Variants in CPNE4 observed in about 807,000 individuals in gnomAD.
CPNE4 encodes copine 4.
In CPNE4, 25 loss-of-function variants were observed where a neutral mutation model predicts 67.9. That is an observed-to-expected ratio of 0.37 (90% CI 0.27 to 0.51). The LOEUF is 0.51. Ranked by LOEUF, CPNE4 falls within the 20% of genes least tolerant of loss-of-function variation. The probability of loss-of-function intolerance (pLI) is 0.93; values close to 1 mark genes in which losing one functional copy is unlikely to be tolerated. For missense variants in CPNE4, 464 were observed against 690.8 expected, an observed-to-expected ratio of 0.67 and a Z score of 3.68; for synonymous variants, 242 against 244.9, an observed-to-expected ratio of 0.99 and a Z score of 0.11.
intron 1 of CPNE4, among the ~76,000 whole-genome samples, chr3:131,912,430 C>A (rs1197253379): frequency 6.6e-6 from 1 of 151,854 alleles, no homozygotes; most frequent in East Asian, 1.9e-4. Flanking sequence ...TGGCATTATT[C>A]AGCCTTTTAA....
intron 2 of CPNE4, among the ~76,000 whole-genome samples, chr3:131,889,621 A>G (rs956821439): frequency 6.6e-6 from 1 of 152,262 alleles, no homozygotes; most frequent in African/African-American, 2.4e-5. Context: ...TAATGAAACC[A>G]TATTTCCCCC....
In CPNE4 at chr3:131,873,925, C is replaced by A. The variant is rs184787574; in HGVS notation, c.180+31339G>T. On this transcript the variant is annotated intron_variant, in intron 2 of 15. Coordinates refer to ENST00000429747, the MANE Select transcript of CPNE4 (RefSeq NM_130808.3). ...GGAAGAGGAGTGGAAAACTAGATAACCTTCCCCTCCACCTCCAAATAATTT... is the reference window on the plus strand; with the variant it reads ...GGAAGAGGAGTGGAAAACTAGATAAACTTCCCCTCCACCTCCAAATAATTT... Among the ~76,000 whole-genome samples the A allele has an allele frequency of 4.7e-3, 714 of 152,274 alleles. 7 individuals are homozygous for A. Among genetic ancestry groups the A allele is most frequent in the African/African-American group, 0.015 (627 of 41,542 alleles).
intron 7 of CPNE4, among the ~76,000 whole-genome samples, chr3:131,645,380 AC>A (rs2079640858): frequency 6.6e-6 from 1 of 152,196 alleles, no homozygotes; most frequent in South Asian, 2.1e-4. Context: ...CTGATGTCTC[AC>A]CAACAAAACA....
chr3:131,914,183 T>C (rs1390912315), intron 1 of CPNE4, among the ~76,000 whole-genome samples: 1 of 152,194 alleles, frequency 6.6e-6, no homozygotes, highest in African/African-American at 2.4e-5. Context: ...CAACTGCACA[T>C]AGCTGTCCAG....
At chr3:131,608,240 A>C (rs1241644914) in intron 7 of CPNE4, among the ~76,000 whole-genome samples, 1 of 152,204 alleles carries the variant, frequency 6.6e-6, no homozygotes, top group Non-Finnish European at 1.5e-5. Context: ...TTTCCTTAAA[A>C]ACTTGGAACA....
In CPNE4 at chr3:131,777,065, G is replaced by A. The variant is rs1583180534; in HGVS notation, c.181-53440C>T. Among the ~76,000 whole-genome samples, 3 of 152,236 alleles carry A rather than the reference G, an allele frequency of 2.0e-5. No individual in the cohort carries two copies. The South Asian group carries it at 6.2e-4, about 32-fold the overall frequency. On this transcript the variant is annotated intron_variant, in intron 2 of 15. Coordinates refer to ENST00000429747, the MANE Select transcript of CPNE4 (RefSeq NM_130808.3). ...TGGTCCTCTTGCTCTCAAAGGTACA[G>A]CCATTGGACTATAACCCACACACAG...
intron 2 of CPNE4, among the ~76,000 whole-genome samples, chr3:131,775,359 G>T (rs1325843300): frequency 6.6e-6 from 1 of 152,054 alleles, no homozygotes; most frequent in Non-Finnish European, 1.5e-5. Context: ...ATCTTTGGTG[G>T]GGTAGAATTT....
chr3:131,751,524 G>C (rs185985506), intron 2 of CPNE4, among the ~76,000 whole-genome samples: 418 of 131,252 alleles, frequency 3.2e-3, no homozygotes, highest in Non-Finnish European at 5.2e-3. Flanking sequence ...TCTTTGCTGA[G>C]GTTTTCATTT....
At chr3:131,796,166 T>G (rs1371599772) in intron 2 of CPNE4, among the ~76,000 whole-genome samples, 1 of 151,910 alleles carries the variant, frequency 6.6e-6, no homozygotes, top group Non-Finnish European at 1.5e-5. Context: ...TTTTTTTTTG[T>G]AAAAGGAGCT....
chr3:131,699,246 T>C (rs1431966996), intron 4 of CPNE4, among the ~76,000 whole-genome samples: 1 of 152,138 alleles, frequency 6.6e-6, no homozygotes, highest in African/African-American at 2.4e-5. Flanking sequence ...ATAGAAATGT[T>C]TTATAATCTA....
At chr3:131,904,807 A>AC (rs1478239980) in intron 2 of CPNE4, among the ~76,000 whole-genome samples, 1 of 151,920 alleles carries the variant, frequency 6.6e-6, no homozygotes, top group African/African-American at 2.4e-5. Flanking sequence ...TTCTCTCTCA[A>AC]CCCCCTAAAA....
At chr3:131,806,411 A>G (rs2084311600) in intron 2 of CPNE4, among the ~76,000 whole-genome samples, 1 of 151,876 alleles carries the variant, frequency 6.6e-6, no homozygotes, top group African/African-American at 2.4e-5. Flanking sequence ...TTAGCCGGGC[A>G]TAGTGGCGGG....
At chr3:131,933,207 A>G (rs1292865789) in intron 1 of CPNE4, among the ~76,000 whole-genome samples, 2 of 152,164 alleles carry the variant, frequency 1.3e-5, no homozygotes, top group African/African-American at 4.8e-5. Flanking sequence ...ATCAGTGTGA[A>G]GAATGGATTG....
At position 131,673,833 on chromosome 3, in the gene CPNE4, G is replaced by C. The variant is rs150379213; in HGVS notation, c.592-4069C>G. Among the ~76,000 whole-genome samples the C allele has an allele frequency of 2.6e-3, 396 of 152,106 alleles. 3 individuals carry two copies. Among genetic ancestry groups the C allele is most frequent in the African/African-American group, 9.1e-3 (376 of 41,520 alleles). On this transcript the variant is annotated intron_variant, in intron 6 of 15. Transcript: ENST00000429747. ...TTCTCTTCTATGATTGCTCCAGCTA[G>C]GACTTCCATTTCCATGTTGAATAAC...
At chr3:131,686,038 C>G in intron 5 of CPNE4, 80 bp from the exon 6 acceptor site, 2 of 765,744 alleles carry the variant, frequency 2.6e-6, no homozygotes, top group Non-Finnish European at 4.4e-6. Context: ...ATTTAATCAA[C>G]AGGAAAACCC....
At chr3:132,005,229 A>C (rs1409454564) in intron 1 of CPNE4, among the ~76,000 whole-genome samples, 1 of 150,870 alleles carries the variant, frequency 6.6e-6, no homozygotes, top group Non-Finnish European at 1.5e-5. Context: ...ATATTAAGCC[A>C]CTGGGATTAT....
At chr3:131,807,007 A>G (rs1583234837) in intron 2 of CPNE4, among the ~76,000 whole-genome samples, 1 of 152,244 alleles carries the variant, frequency 6.6e-6, no homozygotes, top group South Asian at 2.1e-4. Flanking sequence ...TAAGAGAAAG[A>G]GAAAGGTATG....
At chr3:131,686,472 G>A (rs2080892355) in intron 5 of CPNE4, among the ~76,000 whole-genome samples, 1 of 152,192 alleles carries the variant, frequency 6.6e-6, no homozygotes, top group South Asian at 2.1e-4. Flanking sequence ...GTGTAATGAA[G>A]ATTATGAAGG....
intron 2 of CPNE4, among the ~76,000 whole-genome samples, chr3:131,850,095 C>A (rs1354540122): frequency 6.6e-6 from 1 of 152,078 alleles, no homozygotes; most frequent in Non-Finnish European, 1.5e-5. Flanking sequence ...ATTTTGGCTG[C>A]AACAATTGAC....
Sources: allele counts gnomAD v4.1 joint callset (sites outside exome capture counted in the v4.1 genomes callset), GRCh38; gene constraint gnomAD v4.1.1; transcripts MANE v1.5; gene names NCBI Gene and HGNC (gene_info 2026-07-23, HGNC 2026-07-21).